Variants in NDUFAF7 observed in about 807,000 individuals in gnomAD.
NDUFAF7 encodes the protein protein arginine methyltransferase NDUFAF7, mitochondrial.
A neutral mutation model predicts 47.2 loss-of-function variants in NDUFAF7; 48 were observed. The ratio of observed to expected loss-of-function variants is 1.02; its 90% CI spans 0.81 to 1.29. NDUFAF7 has a LOEUF of 1.29. Among genes scored for constraint, NDUFAF7 ranks in the 50% most tolerant of loss-of-function variants. The pLI, the probability that NDUFAF7 is intolerant of heterozygous loss-of-function variation, is 0.00. For missense variants in NDUFAF7, 635 were observed against 537.6 expected (o/e 1.18, Z -1.79); for synonymous variants, 217 against 190.0 (o/e 1.14, Z -1.17).
chr2:37,251,177 C>CTATTATTATCTATTT (rs1667459426), downstream of NDUFAF7: 1 of 152,468 alleles, frequency 6.6e-6, no homozygotes, highest in Non-Finnish European at 1.5e-5. Flanking sequence ...TCCTCTATCA[C>CTATTATTATCTATTT]AGGGAAAATA....
Position 37,248,123 on chromosome 2 carries a change from T to C in NDUFAF7, c.1111-12T>C, listed in dbSNP as rs755647360. 1.9e-6 allele frequency: 3 copies of C among 1,601,292 alleles called. No homozygotes were observed. The highest frequency in any genetic ancestry group is 2.2e-5 in the South Asian group (2 of 90,552). ...TTCTGGTTATTTTTGCTAAGAATTT[T>C]TTTCTTTTCAGGTTCTTTTAGATAA... On this transcript the variant is annotated splice_polypyrimidine_tract_variant and intron_variant, in intron 9 of 9. Transcript: ENST00000002125.
At position 37,247,419 on chromosome 2, in the gene NDUFAF7, C is replaced by A. The variant is rs139699851; in HGVS notation, c.937-37C>A. The A allele has an allele frequency of 9.9e-5, 159 of 1,611,608 alleles. No homozygotes were observed. In the East Asian group the frequency reaches 3.5e-3, roughly 36 times the overall value. ...ATAGCATTTCTTTAATCTTAATAACCATAAAAGGGCAAAAATCTGATTTCT... is the reference window on the plus strand; with the variant it reads ...ATAGCATTTCTTTAATCTTAATAACAATAAAAGGGCAAAAATCTGATTTCT... On this transcript the variant is annotated intron_variant, in intron 8 of 9. Transcript: ENST00000002125.
chr2:37,258,839 A>G, the NDUFAF7 span, among the ~76,000 whole-genome samples: 1 of 152,216 alleles, frequency 6.6e-6, no homozygotes, highest in African/African-American at 2.4e-5. Context: ...TAGTCTTGCC[A>G]TTTGTCTAAA....
the NDUFAF7 span, among the ~76,000 whole-genome samples, chr2:37,264,461 C>G: frequency 7.3e-6 from 1 of 136,106 alleles, no homozygotes; most frequent in Admixed American, 8.1e-5. Context: ...TAGTAAATTA[C>G]CTAGTATGAA....
At chr2:37,262,222 G>T in the NDUFAF7 span, among the ~76,000 whole-genome samples, 1 of 152,100 alleles carries the variant, frequency 6.6e-6, no homozygotes, top group African/African-American at 2.4e-5. Context: ...CCTATGTGAG[G>T]CTGAGTTCCA....
chr2:37,233,608 C>T (rs542025457), intron 2 of NDUFAF7, among the ~76,000 whole-genome samples: 4 of 137,864 alleles, frequency 2.9e-5, no homozygotes, highest in South Asian at 2.2e-4. Flanking sequence ...GGCAACAGAG[C>T]GAGACTCTGT....
At chr2:37,249,757 G>T (rs1015065334), downstream of NDUFAF7, among the ~76,000 whole-genome samples, 1 of 151,932 alleles carries the variant, frequency 6.6e-6, no homozygotes, top group African/African-American at 2.4e-5. Flanking sequence ...GTTAGAAGCT[G>T]TGTGTTAATA....
rs148550993 is a variant in NDUFAF7, at chr2:37,238,030, T to C, written c.408+163T>C. On this transcript the variant is annotated intron_variant, in intron 4 of 9. Coordinates refer to ENST00000002125, the MANE Select transcript of NDUFAF7 (RefSeq NM_144736.5). ...TAATCAGTCATTACTTACTGTTGTC[T>C]GTAAACTTAAAAATTGGAGGGGAGG... Among the ~76,000 whole-genome samples the C allele has an allele frequency of 7.2e-5, 11 of 152,292 alleles. 1 individual carries two copies. The highest frequency in any genetic ancestry group is 1.9e-4 in the African/African-American group (8 of 41,564).
At chr2:37,238,789 G>C (rs1467334183) in intron 4 of NDUFAF7, among the ~76,000 whole-genome samples, 1 of 150,480 alleles carries the variant, frequency 6.6e-6, no homozygotes, top group Non-Finnish European at 1.5e-5. Context: ...CTAGTAGTTA[G>C]AATTATTTAA....
chr2:37,237,908 A>G, intron 4 of NDUFAF7, 41 bp downstream of exon 4: 1 of 1,379,656 alleles, frequency 7.2e-7, no homozygotes. Context: ...ATATAAGTGA[A>G]TTTTAGTACT....
chr2:37,259,740 G>A, the NDUFAF7 span: 1 of 1,182,778 alleles, frequency 8.5e-7, no homozygotes, highest in Non-Finnish European at 1.3e-6. Context: ...AACCTCATGT[G>A]ACTCCTTGAA....
At chr2:37,259,913 C>A in the NDUFAF7 span, among the ~76,000 whole-genome samples, 1 of 152,038 alleles carries the variant, frequency 6.6e-6, no homozygotes, top group Non-Finnish European at 1.5e-5. Flanking sequence ...GCCTGTAATC[C>A]CAGCACTTTG....
downstream of NDUFAF7, among the ~76,000 whole-genome samples, chr2:37,249,403 C>G (rs1667267865): frequency 6.6e-6 from 1 of 151,982 alleles, no homozygotes; most frequent in African/African-American, 2.4e-5. Flanking sequence ...ATGGTGAAAC[C>G]CCATTTCTAC....
At chr2:37,263,305 T>C in the NDUFAF7 span, among the ~76,000 whole-genome samples, 1 of 152,212 alleles carries the variant, frequency 6.6e-6, no homozygotes, top group African/African-American at 2.4e-5. Context: ...TGTAGGAGCT[T>C]GTTTTCTGAT....
At chr2:37,242,404 A>G (rs1666442013) in intron 5 of NDUFAF7, 2 of 391,694 alleles carry the variant, frequency 5.1e-6, no homozygotes, top group Non-Finnish European at 4.6e-6. Flanking sequence ...TGATGAATAA[A>G]AGCTTTAACT....
chr2:37,255,642 A>T (rs1041586814), downstream of NDUFAF7, among the ~76,000 whole-genome samples: 7 of 152,338 alleles, frequency 4.6e-5, no homozygotes, highest in Admixed American at 4.6e-4. Context: ...GGAGCTAGGT[A>T]TTCATTCACG....
chr2:37,252,120 AACTGCT>A (rs1667548733), downstream of NDUFAF7: 1 of 152,180 alleles, frequency 6.6e-6, no homozygotes, highest in Non-Finnish European at 1.5e-5. Context: ...CATCCCCTCA[AACTGCT>A]TAAAATAATT....
chr2:37,260,211 G>T, the NDUFAF7 span: 2 of 1,568,706 alleles, frequency 1.3e-6, no homozygotes, highest in South Asian at 1.2e-5. Context: ...AAAAAAAAAG[G>T]AGTTAAAATA....
intron 2 of NDUFAF7, among the ~76,000 whole-genome samples, chr2:37,234,257 GT>G (rs1269462929): frequency 1.3e-5 from 2 of 151,978 alleles, no homozygotes. Context: ...GCCCAGCTAG[GT>G]TTTTTGTATT....
Sources: gnomAD v4.1 joint callset for allele counts (sites outside exome capture counted in the v4.1 genomes callset) on GRCh38, gnomAD v4.1.1 for gene constraint, MANE v1.5 for transcripts, NCBI Gene and HGNC (gene_info 2026-07-23, HGNC 2026-07-21) for gene names.